Variants in KCNN2 observed in about 807,000 individuals in gnomAD.
KCNN2 encodes the protein small conductance calcium-activated potassium channel protein 2.
In KCNN2, 24 loss-of-function variants were observed where a neutral mutation model predicts 55.5. The ratio of observed to expected loss-of-function variants is 0.43; its 90% CI spans 0.31 to 0.61. KCNN2 has a LOEUF of 0.61. KCNN2 is among the 20% of genes least tolerant of loss of function. The probability of loss-of-function intolerance (pLI) is 0.08; values close to 1 mark genes in which losing one functional copy is unlikely to be tolerated. For missense variants in KCNN2, 754 were observed against 853.6 expected (o/e 0.88, Z 1.45); for synonymous variants, 431 against 336.1 (o/e 1.28, Z -3.09).
At chr5:114,369,823 T>G (rs371459312) in intron 2 of KCNN2, among the ~76,000 whole-genome samples, 1 of 152,156 alleles carries the variant, frequency 6.6e-6, no homozygotes, top group East Asian at 1.9e-4. Context: ...GAGTGGAACT[T>G]TAGGTTTACC....
chr5:114,306,213 C>A (rs139243913), intron 2 of KCNN2, among the ~76,000 whole-genome samples: 84 of 152,292 alleles, frequency 5.5e-4, no homozygotes, highest in African/African-American at 1.9e-3. Flanking sequence ...AGCTATATAG[C>A]ATTCACCAGA....
chr5:114,459,299 A>G (rs1761082830), intron 3 of KCNN2, among the ~76,000 whole-genome samples: 1 of 152,220 alleles, frequency 6.6e-6, no homozygotes, highest in African/African-American at 2.4e-5. Flanking sequence ...GTTTTTATTA[A>G]ATCAGCATTC....
At chr5:114,418,696 C>T (rs544496418) in intron 3 of KCNN2, among the ~76,000 whole-genome samples, 1 of 152,160 alleles carries the variant, frequency 6.6e-6, no homozygotes, top group East Asian at 1.9e-4. Flanking sequence ...TTTCAACTTT[C>T]CTTTCATGAA....
At chr5:114,495,867 T>G (rs1748091120) in intron 7 of KCNN2, 28 bp from the exon 8 acceptor site, 1 of 1,601,424 alleles carries the variant, frequency 6.2e-7, no homozygotes, top group African/African-American at 1.3e-5. Context: ...CAAGTATAAT[T>G]AACCTTCTTC....
chr5:114,280,658 A>G (rs1268755852), intron 2 of KCNN2, among the ~76,000 whole-genome samples: 1 of 152,040 alleles, frequency 6.6e-6, no homozygotes. Context: ...CCATTAAGTC[A>G]CCGTAATTTC....
chr5:114,446,668 C>A (rs905076974), intron 3 of KCNN2, among the ~76,000 whole-genome samples: 4 of 152,098 alleles, frequency 2.6e-5, no homozygotes, highest in Non-Finnish European at 5.9e-5. Context: ...ACCATGTCGG[C>A]CAGGCTGGTC....
chr5:114,062,469 AT>A (rs1450637751), intron 1 of KCNN2, among the ~76,000 whole-genome samples: 1 of 152,212 alleles, frequency 6.6e-6, no homozygotes, highest in Non-Finnish European at 1.5e-5. Flanking sequence ...GACTTTAAAT[AT>A]GAGGTTTGTG....
At chr5:114,272,390 C>A (rs374411771) in intron 2 of KCNN2, among the ~76,000 whole-genome samples, 1 of 89,562 alleles carries the variant, frequency 1.1e-5, no homozygotes, top group African/African-American at 4.1e-5. Context: ...TACATATATA[C>A]ACACATATAT....
At chr5:114,077,595 A>C (rs762917207) in intron 1 of KCNN2, among the ~76,000 whole-genome samples, 21 of 152,190 alleles carry the variant, frequency 1.4e-4, no homozygotes, top group Non-Finnish European at 2.4e-4. Flanking sequence ...CTTTTGAAGC[A>C]TTCCCTTCCT....
chr5:114,143,428 C>T (rs545820399), intron 1 of KCNN2, among the ~76,000 whole-genome samples: 5 of 152,036 alleles, frequency 3.3e-5, no homozygotes, highest in Non-Finnish European at 5.9e-5. Flanking sequence ...GCTAGACAAC[C>T]GGTTAGACCA....
chr5:114,292,204 C>T lies in KCNN2; in HGVS notation c.-184-68741C>T, dbSNP rs563043575. ...GAAGCTCTTTAGTTTAATTAGATCC[C>T]ATTTGTCAATTTTGGCTTTCGTTGC... On this transcript the variant is annotated intron_variant, in intron 2 of 10. Transcript: ENST00000512097. Among the ~76,000 whole-genome samples the T allele has an allele frequency of 3.3e-4, 50 of 152,320 alleles. No individual in the cohort carries two copies. In the South Asian group the frequency reaches 6.6e-3, roughly 20 times the overall value.
upstream of KCNN2, among the ~76,000 whole-genome samples, chr5:114,358,265 A>G (rs973093338): frequency 2.1e-5 from 3 of 141,994 alleles, no homozygotes; most frequent in Non-Finnish European, 2.9e-5. Flanking sequence ...AATTTACAAG[A>G]AAAAAACAAA....
rs1757460223 is a variant in KCNN2, at chr5:114,362,514, C to A, written c.375C>A (p.Leu125=). The A allele has an allele frequency of 1.9e-6, 1 of 513,402 alleles. No individual in the cohort carries two copies. The highest frequency in any genetic ancestry group is 4.0e-5 in the Admixed American group (1 of 25,080). The allele number at this position is 513,402 out of a possible 1,614,324, so 31.8% of individuals were successfully genotyped here. The change falls in exon 1 of 8, where the codon CTC becomes CTA. Residue 125 remains leucine, a synonymous_variant. Coordinates refer to ENST00000673685, the MANE Select transcript of KCNN2 (RefSeq NM_021614.4). ...CCCSSRRGSQ[L]NVSELTPSSH... is the part of the protein sequence containing the mutation. The stretch of plus-strand genomic sequence containing the variant: ...GCTCGTCGCGCCGGGGCAGCCAGCT[C>A]AATGTGAGCGAGCTGACGCCGTCCA...
At chr5:114,171,447 A>G (rs1225453679) in intron 1 of KCNN2, among the ~76,000 whole-genome samples, 2 of 151,928 alleles carry the variant, frequency 1.3e-5, no homozygotes, top group African/African-American at 4.8e-5. Flanking sequence ...GAGAAATTTA[A>G]TGAGTTTTAC....
intron 1 of KCNN2, among the ~76,000 whole-genome samples, chr5:114,113,984 G>T (rs887185587): frequency 2.0e-5 from 3 of 152,034 alleles, no homozygotes; most frequent in Admixed American, 6.6e-5. Flanking sequence ...GTGACATTTG[G>T]ATCACCTTCA....
chr5:114,145,961 A>AT (rs775687039), intron 1 of KCNN2, among the ~76,000 whole-genome samples: 5 of 151,616 alleles, frequency 3.3e-5, no homozygotes, highest in East Asian at 3.9e-4. Context: ...CTGCTGTGGC[A>AT]TTTTTTCAGC....
At position 114,496,032 on chromosome 5, in the gene KCNN2, G is replaced by A. The variant is rs557534760; in HGVS notation, c.2226G>A (p.Gln742=). ...SIHALPGLIS[Q]TIRQQQRDFI... is the part of the protein sequence containing the mutation. ...ACGCCCTCCCTGGGCTCATAAGCCA[G>A]ACCATCAGGCAGCAGCAGAGAGATT... The change falls in exon 8 of 8, where the codon CAG becomes CAA. Residue 742 remains glutamine (Q), a synonymous_variant. Coordinates refer to ENST00000673685, the MANE Select transcript of KCNN2 (RefSeq NM_021614.4). 1 of 1,614,088 alleles carries A rather than the reference G, an allele frequency of 6.2e-7. No individual in the cohort carries two copies. Among genetic ancestry groups the A allele is most frequent in the Non-Finnish European group, 8.5e-7 (1 of 1,179,988 alleles).
At chr5:114,476,621 A>G (rs1474000726) in intron 5 of KCNN2, among the ~76,000 whole-genome samples, 1 of 151,958 alleles carries the variant, frequency 6.6e-6, no homozygotes, top group East Asian at 1.9e-4. Flanking sequence ...GGGTTTCTCC[A>G]TGTTGGTCAG....
At position 114,107,905 on chromosome 5, in the gene KCNN2, G is replaced by A. The variant is rs1007019699; in HGVS notation, c.-271+51405G>A. Among the ~76,000 whole-genome samples, 48 of 151,960 alleles carry A rather than the reference G, an allele frequency of 3.2e-4. 2 individuals are homozygous for A. Among genetic ancestry groups the A allele is most frequent in the South Asian group, 1.9e-3 (9 of 4,802 alleles). On this transcript the variant is annotated intron_variant, in intron 1 of 10. Transcript: ENST00000512097. ...TAATTTCTCTTGGTGACGTTTTGCCGCGTTCTTGGTTGCATTACTTTCATT... is the reference window on the plus strand; with the variant it reads ...TAATTTCTCTTGGTGACGTTTTGCCACGTTCTTGGTTGCATTACTTTCATT...
Sources: allele counts gnomAD v4.1 joint callset (sites outside exome capture counted in the v4.1 genomes callset), GRCh38; gene constraint gnomAD v4.1.1; transcripts MANE v1.5; gene names NCBI Gene and HGNC (gene_info 2026-07-23, HGNC 2026-07-21).